The following MTBP variants were observed in gnomAD, a reference collection of about 807,000 sequenced individuals.
MTBP encodes mdm2-binding protein.
Under a neutral mutation model 117.0 loss-of-function variants are expected in MTBP, and 101 were observed. That is an observed-to-expected ratio of 0.86 (90% CI 0.73 to 1.02). The LOEUF is 1.02. MTBP is among the 50% of genes least tolerant of loss of function. The probability of loss-of-function intolerance (pLI) is 0.00; values close to 1 mark genes in which losing one functional copy is unlikely to be tolerated. For missense variants in MTBP, 970 were observed against 1,030.9 expected, an observed-to-expected ratio of 0.94 and a Z score of 0.81; for synonymous variants, 350 against 351.5, an observed-to-expected ratio of 1.00 and a Z score of 0.05.
intron 11 of MTBP, chr8:120,473,266 A>G (rs2130552354): frequency 6.6e-6 from 1 of 152,126 alleles, no homozygotes; most frequent in East Asian, 1.9e-4. Context: ...TTGAATCCAC[A>G]GTGTGAAACC....
intron 6 of MTBP, 109 bp from the exon 7 acceptor site, chr8:120,456,444 A>G: frequency 1.6e-6 from 1 of 634,894 alleles, no homozygotes; most frequent in Non-Finnish European, 2.8e-6. Context: ...GGAAAAATAC[A>G]GCAATATAAA....
intron 6 of MTBP, 128 bp downstream of exon 6, chr8:120,455,707 C>T: frequency 1.2e-6 from 1 of 816,042 alleles, no homozygotes; most frequent in South Asian, 1.7e-5. Flanking sequence ...CTATGTTATA[C>T]CATGATTGCA....
intron 18 of MTBP, 108 bp downstream of exon 18, chr8:120,516,299 G>A: frequency 9.5e-7 from 1 of 1,048,390 alleles, no homozygotes; most frequent in Non-Finnish European, 1.3e-6. Context: ...TTCATGGCAA[G>A]AAGTTTGTTT....
In MTBP at chr8:120,505,557, A is replaced by G. The variant is rs1175494902; in HGVS notation, c.1728-1149A>G. On this transcript the variant is annotated intron_variant, in intron 15 of 21. Coordinates refer to ENST00000305949, the MANE Select transcript of MTBP (RefSeq NM_022045.5). ...TGTCAGTATTTTATTGACCCTTAATATACAGAAATATGTTTAAAACTGTAA... is the reference window on the plus strand; with the variant it reads ...TGTCAGTATTTTATTGACCCTTAATGTACAGAAATATGTTTAAAACTGTAA... Among the ~76,000 whole-genome samples the G allele has an allele frequency of 3.9e-5, 6 of 152,332 alleles. No homozygotes were observed. In the East Asian group the frequency reaches 9.6e-4, roughly 24 times the overall value.
At chr8:120,448,383 T>C (rs1813270082) in intron 2 of MTBP, among the ~76,000 whole-genome samples, 1 of 152,246 alleles carries the variant, frequency 6.6e-6, no homozygotes, top group Non-Finnish European at 1.5e-5. Flanking sequence ...GCTTTGAAGA[T>C]TGCTTTCAGT....
At position 120,446,445 on chromosome 8, in the gene MTBP, C is replaced by G; in HGVS notation, c.131C>G (p.Ala44Gly). The G allele has an allele frequency of 6.2e-7, 1 of 1,606,366 alleles. No individual in the cohort carries two copies. Among genetic ancestry groups the G allele is most frequent in the Non-Finnish European group, 8.5e-7 (1 of 1,173,270 alleles). ...GTENQPDFTA[A>G]NVYHLLKRSI... ...TTTTCTTTTTCAGACTTCACAGCAGCAAATGTTTATCACCTCTTGAAAAGA... is the reference window on the plus strand; with the variant it reads ...TTTTCTTTTTCAGACTTCACAGCAGGAAATGTTTATCACCTCTTGAAAAGA... The change falls in exon 2 of 22, where the codon GCA (alanine) becomes GGA (glycine). Residue 44 changes from alanine (A) to glycine (G), a missense_variant. Coordinates refer to ENST00000305949, the MANE Select transcript of MTBP (RefSeq NM_022045.5).
chr8:120,481,855 C>T (rs1286200392), intron 11 of MTBP, among the ~76,000 whole-genome samples: 1 of 152,076 alleles, frequency 6.6e-6, no homozygotes, highest in Non-Finnish European at 1.5e-5. Flanking sequence ...GGTCCTTCAA[C>T]CTAAATGCAG....
chr8:120,496,478 A>T (rs1285821759), intron 13 of MTBP, among the ~76,000 whole-genome samples: 4 of 152,138 alleles, frequency 2.6e-5, no homozygotes, highest in Non-Finnish European at 1.5e-5. Context: ...CATTTTGTTC[A>T]TGAGCTTCTA....
intron 11 of MTBP, among the ~76,000 whole-genome samples, chr8:120,480,388 C>T (rs968496517): frequency 3.3e-5 from 5 of 151,824 alleles, no homozygotes; most frequent in South Asian, 2.1e-4. Flanking sequence ...CCAGCCTGGG[C>T]GACAGAGCGA....
intron 16 of MTBP, among the ~76,000 whole-genome samples, chr8:120,508,071 G>T (rs1814726305): frequency 6.6e-6 from 1 of 152,116 alleles, no homozygotes; most frequent in Non-Finnish European, 1.5e-5. Context: ...AGGAAAATTT[G>T]ATGTGATTCT....
chr8:120,445,433 A>G lies in MTBP; in HGVS notation c.-38A>G. ...ATAGCGCGCGTCTGTTTGGATGTGGAAGCCGAGACCTAAAGTTGGGGGGTG... is the reference window on the plus strand; with the variant it reads ...ATAGCGCGCGTCTGTTTGGATGTGGGAGCCGAGACCTAAAGTTGGGGGGTG... On this transcript the variant is annotated 5_prime_UTR_variant, in exon 1 of 22. Coordinates refer to ENST00000305949, the MANE Select transcript of MTBP (RefSeq NM_022045.5). 1 of 1,566,912 alleles carries G rather than the reference A, an allele frequency of 6.4e-7. No homozygotes were observed. Among genetic ancestry groups the G allele is most frequent in the Non-Finnish European group, 8.8e-7 (1 of 1,139,568 alleles).
intron 18 of MTBP, among the ~76,000 whole-genome samples, chr8:120,516,814 G>C (rs1814928967): frequency 6.6e-6 from 1 of 151,910 alleles, no homozygotes; most frequent in Admixed American, 6.6e-5. Flanking sequence ...AGCAAGGCTT[G>C]AATTCTTATT....
intron 13 of MTBP, among the ~76,000 whole-genome samples, chr8:120,495,040 T>C (rs1814421778): frequency 6.6e-6 from 1 of 152,198 alleles, no homozygotes; most frequent in Non-Finnish European, 1.5e-5. Context: ...TTTCCTCTTT[T>C]CTTCTTTCAG....
At chr8:120,509,831 A>G (rs1229900765) in intron 16 of MTBP, 103 bp from the exon 17 acceptor site, 4 of 724,842 alleles carry the variant, frequency 5.5e-6, no homozygotes, top group South Asian at 4.0e-5. Context: ...TAAAATTCCA[A>G]TTGTAGAGGA....
At chr8:120,514,187 A>G (rs1176615710) in intron 17 of MTBP, among the ~76,000 whole-genome samples, 1 of 152,000 alleles carries the variant, frequency 6.6e-6, no homozygotes, top group Non-Finnish European at 1.5e-5. Context: ...CATAACCATC[A>G]TCTCACATAG....
In MTBP at chr8:120,516,288, C is replaced by A. The variant is rs957478289; in HGVS notation, c.2246+97C>A. ...TTATATTAGTCTTTCAGGTTAATTT[C>A]TTCATGGCAAGAAGTTTGTTTTATG... On this transcript the variant is annotated intron_variant, in intron 18 of 21. Coordinates refer to ENST00000305949, the MANE Select transcript of MTBP (RefSeq NM_022045.5). 4 of 1,097,838 alleles carry A rather than the reference C, an allele frequency of 3.6e-6. No individual in the cohort carries two copies. The African/African-American group carries it at 6.4e-5, about 18-fold the overall frequency. 68.0% of individuals were successfully genotyped at this position (1,097,838 alleles called of 1,614,324 possible). A position where few individuals can be genotyped will look rare whatever the true frequency, so the allele number is the denominator to read the frequency against.
chr8:120,486,620 G>A (rs946673778), intron 11 of MTBP, among the ~76,000 whole-genome samples: 26 of 152,274 alleles, frequency 1.7e-4, no homozygotes, highest in African/African-American at 5.8e-4. Context: ...CTGACAGCCT[G>A]CTCCTTCCCA....
chr8:120,520,246 A>G (rs1395585503), intron 20 of MTBP, among the ~76,000 whole-genome samples: 1 of 152,168 alleles, frequency 6.6e-6, no homozygotes, highest in Non-Finnish European at 1.5e-5. Context: ...CCATAAAACT[A>G]GAACAGGATG....
intron 13 of MTBP, among the ~76,000 whole-genome samples, chr8:120,493,520 T>C (rs954250890): frequency 1.3e-5 from 2 of 151,896 alleles, no homozygotes; most frequent in Non-Finnish European, 2.9e-5. Flanking sequence ...AGACAGAATT[T>C]TGCTCTGTCA....
Sources: gnomAD v4.1 joint callset for allele counts (sites outside exome capture counted in the v4.1 genomes callset) on GRCh38, gnomAD v4.1.1 for gene constraint, MANE v1.5 for transcripts, NCBI Gene and HGNC (gene_info 2026-07-23, HGNC 2026-07-21) for gene names.